The following ADGRG2 variants were observed in gnomAD, a reference collection of about 807,000 sequenced individuals.
The protein encoded by ADGRG2 is adhesion G protein-coupled receptor G2, also known as G protein-coupled receptor 64.
ADGRG2 carries 26 observed loss-of-function variants against 74.1 expected under a neutral mutation model. The ratio of observed to expected loss-of-function variants is 0.35; its 90% confidence interval spans 0.26 to 0.49. The LOEUF (loss-of-function observed/expected upper bound fraction) is 0.49, where lower values mean the gene tolerates loss of function less well. Ranked by LOEUF, ADGRG2 falls within the 20% of genes least tolerant of loss-of-function variation. The pLI is 0.99. For missense variants in ADGRG2, 619 were observed against 763.1 expected (o/e 0.81, Z 2.22); for synonymous variants, 296 against 295.2 (o/e 1.00, Z -0.03).
At chrX:19,120,319 A>G (rs1427309960) in intron 1 of ADGRG2, among the ~76,000 whole-genome samples, 3 of 112,302 alleles carry the variant, frequency 2.7e-5, no homozygotes, top group African/African-American at 9.7e-5. Context: ...TGCTAAATAG[A>G]GACTCCCCAA....
intron 3 of ADGRG2, among the ~76,000 whole-genome samples, chrX:19,047,504 A>G (rs1415163221): frequency 1.8e-5 from 2 of 112,188 alleles, no homozygotes; most frequent in Non-Finnish European, 3.8e-5. Context: ...TGGTACTACT[A>G]TGAGTATTTA....
intron 23 of ADGRG2, among the ~76,000 whole-genome samples, chrX:19,003,762 G>C (rs2060177761): frequency 8.9e-6 from 1 of 111,842 alleles, no homozygotes; most frequent in South Asian, 3.7e-4. Flanking sequence ...ACTACTTTCG[G>C]AAGCATTGGT....
At chrX:19,109,041 AAAGAAG>A (rs976942409) in intron 1 of ADGRG2, among the ~76,000 whole-genome samples, 1 of 110,707 alleles carries the variant, frequency 9.0e-6, no homozygotes, top group African/African-American at 3.3e-5. Context: ...CCATCTCAAA[AAAGAAG>A]AAGAAGAAGA....
chrX:19,113,502 CT>C (rs1208753049), intron 1 of ADGRG2, among the ~76,000 whole-genome samples: 3 of 112,069 alleles, frequency 2.7e-5, no homozygotes, highest in Non-Finnish European at 5.6e-5. Flanking sequence ...AAAACATTTA[CT>C]GAGATTGATA....
intron 3 of ADGRG2, among the ~76,000 whole-genome samples, chrX:19,064,196 G>A (rs936800715): frequency 2.7e-5 from 3 of 112,052 alleles, no homozygotes; most frequent in African/African-American, 9.7e-5. Flanking sequence ...GTCTGCAGGT[G>A]ACCCCTGGGG....
At chrX:19,111,530 T>C (rs1362555497) in intron 1 of ADGRG2, among the ~76,000 whole-genome samples, 2 of 111,585 alleles carry the variant, frequency 1.8e-5, no homozygotes, top group East Asian at 5.7e-4. Context: ...AAGGAGGGAA[T>C]GACTGTCAAA....
chrX:19,045,461 C>T (rs1173028444), intron 3 of ADGRG2, among the ~76,000 whole-genome samples: 7 of 108,809 alleles, frequency 6.4e-5, no homozygotes, highest in African/African-American at 2.3e-4. Flanking sequence ...GAACCTGCCA[C>T]CACGCCTGGC....
intron 28 of ADGRG2, among the ~76,000 whole-genome samples, chrX:18,993,897 T>C (rs1029843653): frequency 2.7e-5 from 3 of 111,800 alleles, no homozygotes; most frequent in Non-Finnish European, 5.6e-5. Flanking sequence ...GCAAAAGATA[T>C]ATTAAGAAGC....
chrX:19,040,632 T>G (rs1852595775), intron 3 of ADGRG2, among the ~76,000 whole-genome samples: 1 of 111,911 alleles, frequency 8.9e-6, no homozygotes, highest in African/African-American at 3.2e-5. Context: ...TAAATTAAAC[T>G]TCCATTAACT....
At chrX:19,104,916 CAAAAAA>C (rs1001242331) in intron 1 of ADGRG2, among the ~76,000 whole-genome samples, 2 of 23,355 alleles carry the variant, frequency 8.6e-5, no homozygotes, top group Admixed American at 5.4e-4. Flanking sequence ...GACTCTGTCT[CAAAAAA>C]AAAAAAAAAA....
intron 4 of ADGRG2, among the ~76,000 whole-genome samples, chrX:19,038,569 C>G (rs780470810): frequency 8.9e-6 from 1 of 112,378 alleles, no homozygotes; most frequent in Admixed American, 9.4e-5. Flanking sequence ...CCTTTTTGCT[C>G]TTGGGGCAGA....
At chrX:19,035,664 C>T (rs1434978384) in intron 7 of ADGRG2, 1 of 209,886 alleles carries the variant, frequency 4.8e-6, no homozygotes, top group Non-Finnish European at 8.7e-6. Context: ...CTATATTCTC[C>T]ATCTTTATGA....
At chrX:19,114,514 C>T (rs767617775) in intron 1 of ADGRG2, among the ~76,000 whole-genome samples, 7 of 111,026 alleles carry the variant, frequency 6.3e-5, no homozygotes, top group African/African-American at 1.6e-4. Flanking sequence ...CACTGTGCCA[C>T]GGCAGGGTTT....
chrX:19,005,594 C>T (rs1452970589), intron 22 of ADGRG2, among the ~76,000 whole-genome samples: 1 of 103,582 alleles, frequency 9.7e-6, no homozygotes, highest in Admixed American at 1.1e-4. Context: ...CTCTCTGTTG[C>T]CCAGACTGGA....
At chrX:18,998,321 A>C (rs2060055890) in intron 26 of ADGRG2, among the ~76,000 whole-genome samples, 1 of 111,479 alleles carries the variant, frequency 9.0e-6, no homozygotes, top group African/African-American at 3.3e-5. Flanking sequence ...ACTTGAATAC[A>C]AAAGTTTTTT....
At chrX:19,078,454 G>A (rs2061789759) in intron 2 of ADGRG2, among the ~76,000 whole-genome samples, 1 of 111,176 alleles carries the variant, frequency 9.0e-6, no homozygotes, top group South Asian at 3.9e-4. Flanking sequence ...CTGCATGGGA[G>A]TCTGAGGCAA....
rs1602129865 is a variant in ADGRG2, at chrX:19,106,677, G to A, written c.-47+15765C>T. Reference sequence around the variant, plus strand: ...CTCACGCCTGTAATCCCAGCACTTTGGGAGGCCGAGGTGGGCAGATCGCTT... The same window carrying A: ...CTCACGCCTGTAATCCCAGCACTTTAGGAGGCCGAGGTGGGCAGATCGCTT... On this transcript the variant is annotated intron_variant, in intron 1 of 28. Coordinates refer to ENST00000379869, the MANE Select transcript of ADGRG2 (RefSeq NM_001079858.3). 3.6e-5 allele frequency among the ~76,000 whole-genome samples: 4 copies of A among 111,354 alleles called. 1 individual carries two copies. In the South Asian group the frequency reaches 1.5e-3, roughly 42 times the overall value.
intron 28 of ADGRG2, among the ~76,000 whole-genome samples, chrX:18,992,312 C>T (rs910276939): frequency 8.9e-6 from 1 of 112,007 alleles, no homozygotes; most frequent in Non-Finnish European, 1.9e-5. Flanking sequence ...GTTGTTGAGA[C>T]GGAGTCTCGT....
Position 19,030,993 on chromosome X carries a change from T to G in ADGRG2, c.349A>C (p.Asn117His), listed in dbSNP as rs773625572. Residue 117 changes from asparagine (N) to histidine (H), a missense_variant, in exon 9 of 29, where the codon AAT (asparagine) becomes CAT (histidine). Around this residue, in one of 3 missense-constraint regions of ADGRG2, gnomAD observed 292 missense variants for 318.0 expected, o/e 0.92. Coordinates refer to ENST00000379869, the MANE Select transcript of ADGRG2 (RefSeq NM_001079858.3). ...RNICNLSSIC[N>H]DSAFFRGEIM... ...GTACACAAGAACTAACCTGAGTCATTGCAAATAGATGACAAATTGCAGATA... is the reference window on the plus strand; with the variant it reads ...GTACACAAGAACTAACCTGAGTCATGGCAAATAGATGACAAATTGCAGATA... 24 of 1,182,398 alleles carry G rather than the reference T, an allele frequency of 2.0e-5. No individual in the cohort carries two copies. In the East Asian group the frequency reaches 5.1e-4, roughly 25 times the overall value.
Sources: gnomAD v4.1 joint callset for allele counts (sites outside exome capture counted in the v4.1 genomes callset) on GRCh38, gnomAD v4.1.1 for gene constraint, gnomAD v4.1.1 regional missense constraint, MANE v1.5 for transcripts, NCBI Gene and HGNC (gene_info 2026-07-23, HGNC 2026-07-21) for gene names.